Variants in TMEFF1 observed in about 807,000 individuals in gnomAD.
TMEFF1 encodes transmembrane protein with EGF like and two follistatin like domains 1, also known as tomoregulin-1.
In TMEFF1, 20 loss-of-function variants were observed where a neutral mutation model predicts 47.5. That is an observed-to-expected ratio of 0.42 (90% confidence interval 0.30 to 0.61). The LOEUF is 0.61. Among genes scored for constraint, TMEFF1 ranks in the 20% least tolerant of loss-of-function variants. The pLI, the probability that TMEFF1 is intolerant of heterozygous loss-of-function variation, is 0.19. For synonymous variants in TMEFF1, 162 were observed against 166.3 expected, an observed-to-expected ratio of 0.97 and a Z score of 0.20; for missense variants, 411 against 471.1, an observed-to-expected ratio of 0.87 and a Z score of 1.18.
rs561419006 is a variant in TMEFF1, at chr9:100,473,208, G to A, written c.-337G>A. The A allele has an allele frequency of 1.7e-4, 26 of 150,382 alleles. No homozygotes were observed. Among genetic ancestry groups the A allele is most frequent in the African/African-American group, 6.3e-4 (26 of 41,290 alleles). The allele number at this position is 150,382 out of a possible 1,614,324, so 9.3% of individuals were successfully genotyped here. ...AAAGGGAAGGCGAGGAGGCGAGCAA[G>A]AGGCTGGGCCTGCCTCCGGCCCGCG... On this transcript the variant is annotated 5_prime_UTR_variant, in exon 1 of 10. Coordinates refer to ENST00000374879, the MANE Select transcript of TMEFF1 (RefSeq NM_003692.5). This position sits in a 1 kb window ranked among gnomAD's most constrained non-coding sequence, Gnocchi z 5.4.
intron 5 of TMEFF1, among the ~76,000 whole-genome samples, chr9:100,542,933 T>G (rs867700385): frequency 3.4e-5 from 5 of 149,174 alleles, no homozygotes; most frequent in Non-Finnish European, 7.4e-5. Flanking sequence ...CTTTTTTTTT[T>G]TTTTTTTTTT....
intron 5 of TMEFF1, among the ~76,000 whole-genome samples, chr9:100,534,542 C>T (rs1838468231): frequency 1.3e-5 from 2 of 152,184 alleles, no homozygotes; most frequent in African/African-American, 4.8e-5. Context: ...GCTGTAATCA[C>T]TATAATCAGT....
At chr9:100,524,914 C>T (rs552943077) in intron 5 of TMEFF1, among the ~76,000 whole-genome samples, 3 of 152,088 alleles carry the variant, frequency 2.0e-5, no homozygotes, top group Admixed American at 6.6e-5. Flanking sequence ...TGGCAGGCCC[C>T]GGTGTGTGAT....
chr9:100,541,950 T>A (rs1443139663), intron 5 of TMEFF1, among the ~76,000 whole-genome samples: 1 of 152,188 alleles, frequency 6.6e-6, no homozygotes, highest in African/African-American at 2.4e-5. Context: ...AACATGTATC[T>A]TACAAGCAAC....
At chr9:100,567,100 G>A (rs975175145) in intron 8 of TMEFF1, among the ~76,000 whole-genome samples, 1 of 152,042 alleles carries the variant, frequency 6.6e-6, no homozygotes, top group Non-Finnish European at 1.5e-5. Context: ...CTCACTAAGT[G>A]CAGAAGGCCC....
chr9:100,501,907 T>A (rs1328418333), intron 2 of TMEFF1, among the ~76,000 whole-genome samples: 2 of 152,182 alleles, frequency 1.3e-5, no homozygotes, highest in Non-Finnish European at 2.9e-5. Flanking sequence ...CCTCCCAAAG[T>A]GCTGGGATTA....
intron 5 of TMEFF1, among the ~76,000 whole-genome samples, chr9:100,529,118 T>G (rs1425600041): frequency 6.7e-6 from 1 of 149,650 alleles, no homozygotes; most frequent in Non-Finnish European, 1.5e-5. Context: ...GAACAACCGG[T>G]ACCAGCCGCT....
intron 8 of TMEFF1, among the ~76,000 whole-genome samples, chr9:100,568,930 T>C (rs912336912): frequency 2.6e-5 from 4 of 152,208 alleles, no homozygotes; most frequent in African/African-American, 9.6e-5. Flanking sequence ...CTGAATACTA[T>C]TCCATTGTAT....
chr9:100,538,011 G>A (rs936117679), intron 5 of TMEFF1, among the ~76,000 whole-genome samples: 7 of 151,868 alleles, frequency 4.6e-5, no homozygotes, highest in South Asian at 2.1e-4. Flanking sequence ...GATTGAATGC[G>A]CAAAAATGAA....
chr9:100,572,873 C>T (rs1195308116), intron 9 of TMEFF1, among the ~76,000 whole-genome samples, 197 bp downstream of exon 9: 2 of 151,304 alleles, frequency 1.3e-5, no homozygotes, highest in Non-Finnish European at 2.9e-5. Flanking sequence ...ATCTGGGCGA[C>T]AAGCAGAGAG....
chr9:100,526,005 A>T (rs753621112), intron 5 of TMEFF1, among the ~76,000 whole-genome samples: 23 of 152,196 alleles, frequency 1.5e-4, no homozygotes, highest in Admixed American at 1.3e-4. Flanking sequence ...GCAGCTTCTT[A>T]TGAAAAGGTG....
At chr9:100,545,613 A>T (rs1029082633) in intron 5 of TMEFF1, among the ~76,000 whole-genome samples, 4 of 152,212 alleles carry the variant, frequency 2.6e-5, no homozygotes, top group African/African-American at 9.6e-5. Flanking sequence ...ACTGCTTGTA[A>T]CTTATGCAAA....
intron 8 of TMEFF1, among the ~76,000 whole-genome samples, chr9:100,567,527 G>T (rs1839147139): frequency 6.6e-6 from 1 of 152,118 alleles, no homozygotes. Flanking sequence ...GCAGGCCAGG[G>T]ATCTTTATCT....
At chr9:100,502,965 A>G (rs1018804132) in intron 2 of TMEFF1, among the ~76,000 whole-genome samples, 1 of 152,210 alleles carries the variant, frequency 6.6e-6, no homozygotes. Context: ...GGCTTACAGT[A>G]TAGTTTGATC....
At chr9:100,479,738 G>T (rs1290771953) in intron 1 of TMEFF1, among the ~76,000 whole-genome samples, 1 of 152,178 alleles carries the variant, frequency 6.6e-6, no homozygotes, top group African/African-American at 2.4e-5. Context: ...CCATTGTATG[G>T]ATAAACCACA....
At chr9:100,514,861 G>C (rs570560208) in intron 4 of TMEFF1, among the ~76,000 whole-genome samples, 121 of 152,198 alleles carry the variant, frequency 8.0e-4, no homozygotes, top group Non-Finnish European at 1.4e-3. Flanking sequence ...CAGGCGTGGT[G>C]GTGGGCGCCT....
chr9:100,572,928 A>G (rs1326945867), intron 9 of TMEFF1, among the ~76,000 whole-genome samples: 6 of 152,050 alleles, frequency 3.9e-5, no homozygotes, highest in Non-Finnish European at 8.8e-5. Context: ...GGGATCTGAG[A>G]ACTGTATACA....
Position 100,498,887 on chromosome 9 carries a change from A to G in TMEFF1, c.306+13A>G. The G allele has an allele frequency of 6.2e-7, 1 of 1,605,340 alleles. No individual in the cohort carries two copies. The stretch of plus-strand genomic sequence containing the variant: ...ATGCCAATTTCAGGTGAGGAAACCC[A>G]GCCTATTTTGAAAAGTTTTATATTC... On this transcript the variant is annotated intron_variant, in intron 2 of 9. Transcript: ENST00000374879.
chr9:100,515,792 C>T (rs940932037), intron 4 of TMEFF1, among the ~76,000 whole-genome samples: 4 of 146,408 alleles, frequency 2.7e-5, no homozygotes, highest in Non-Finnish European at 6.0e-5. Flanking sequence ...CCTGAGACTC[C>T]GTCTGAAAAA....
Sources: gnomAD v4.1 joint callset for allele counts (sites outside exome capture counted in the v4.1 genomes callset) on GRCh38, gnomAD v4.1.1 for gene constraint, Gnocchi (gnomAD v3.1) non-coding constraint, MANE v1.5 for transcripts, NCBI Gene and HGNC (gene_info 2026-07-23, HGNC 2026-07-21) for gene names.